The following ZNF536 variants were observed in gnomAD, a reference collection of about 807,000 sequenced individuals.
The protein encoded by ZNF536 is zinc finger protein 536.
A neutral mutation model predicts 84.5 loss-of-function variants in ZNF536; 13 were observed. The observed-to-expected ratio is 0.15, with a 90% CI of 0.10 to 0.24. The LOEUF (loss-of-function observed/expected upper bound fraction) is 0.24, where lower values mean the gene tolerates loss of function less well. ZNF536 is among the 10% of genes least tolerant of loss of function. The probability of loss-of-function intolerance (pLI) is 1.00; values close to 1 mark genes in which losing one functional copy is unlikely to be tolerated. For missense variants in ZNF536, 1,536 were observed against 1,747.5 expected (o/e 0.88, Z 2.16); for synonymous variants, 811 against 742.5 (o/e 1.09, Z -1.50).
At chr19:30,233,648 G>A (rs1227125596) in intron 1 of ZNF536, among the ~76,000 whole-genome samples, 1 of 152,068 alleles carries the variant, frequency 6.6e-6, no homozygotes, top group Non-Finnish European at 1.5e-5. Context: ...GCACCTGGCT[G>A]TCCATTTTTG....
intron 1 of ZNF536, among the ~76,000 whole-genome samples, chr19:30,439,070 C>G (rs1031131778): frequency 6.6e-6 from 1 of 152,098 alleles, no homozygotes; most frequent in Non-Finnish European, 1.5e-5. Flanking sequence ...TAAATGATGC[C>G]TTAGTTTCCC....
chr19:30,413,954 G>T (rs773293224), intron 1 of ZNF536, among the ~76,000 whole-genome samples: 1 of 151,886 alleles, frequency 6.6e-6, no homozygotes, highest in African/African-American at 2.4e-5. Context: ...TTAGCTAGGC[G>T]TGGCGGCGGG....
intron 2 of ZNF536, among the ~76,000 whole-genome samples, chr19:30,324,244 C>CCATCCATCCCATCCAT (rs2046950977): frequency 6.6e-6 from 1 of 152,288 alleles, no homozygotes; most frequent in South Asian, 2.1e-4. Context: ...ATCCACCCAT[C>CCATCCATCCCATCCAT]CATCCATCCC....
intron 1 of ZNF536, among the ~76,000 whole-genome samples, chr19:30,655,799 G>A (rs1213894317): frequency 6.6e-6 from 1 of 152,162 alleles, no homozygotes; most frequent in East Asian, 1.9e-4. Context: ...AGTGCTTTGG[G>A]AGGCTGAGGT....
At chr19:30,605,457 G>A (rs1178974807) in intron 1 of ZNF536, among the ~76,000 whole-genome samples, 4 of 152,254 alleles carry the variant, frequency 2.6e-5, no homozygotes, top group African/African-American at 7.2e-5. Context: ...CCATTCCTGA[G>A]TGACTTCACT....
intron 1 of ZNF536, among the ~76,000 whole-genome samples, chr19:30,271,299 C>T (rs67382153): frequency 0.28 from 31,473 of 111,236 alleles, 5,410 homozygotes; most frequent in East Asian, 0.56. Context: ...TTTTTCTTTT[C>T]TTTTTTTTTT....
At chr19:30,531,464 T>C (rs148691101) in intron 2 of ZNF536, among the ~76,000 whole-genome samples, 2 of 151,892 alleles carry the variant, frequency 1.3e-5, no homozygotes, top group Non-Finnish European at 2.9e-5. Context: ...TTTTTGAAGA[T>C]TCAGGGGGTA....
At chr19:30,673,398 A>T (rs1030032264) in intron 1 of ZNF536, among the ~76,000 whole-genome samples, 4 of 152,132 alleles carry the variant, frequency 2.6e-5, no homozygotes, top group African/African-American at 4.8e-5. Context: ...CCCTGGGGGA[A>T]ATCTTCATTG....
At chr19:30,365,489 G>A (rs1370008202) in intron 3 of ZNF536, among the ~76,000 whole-genome samples, 2 of 152,120 alleles carry the variant, frequency 1.3e-5, no homozygotes, top group African/African-American at 4.8e-5. Context: ...AGCTTTGGTG[G>A]GGGGAAGATG....
chr19:30,289,694 G>A (rs939914122), intron 2 of ZNF536, among the ~76,000 whole-genome samples: 6 of 152,086 alleles, frequency 3.9e-5, no homozygotes, highest in African/African-American at 9.7e-5. Flanking sequence ...TTCTTCAGTC[G>A]CCTCTGAGCC....
chr19:30,652,992 G>A (rs1408090332), intron 1 of ZNF536, among the ~76,000 whole-genome samples: 2 of 152,168 alleles, frequency 1.3e-5, no homozygotes, highest in African/African-American at 4.8e-5. Context: ...TCAGAATCCA[G>A]GATCCTCCCA....
chr19:30,280,499 T>C (rs1568300267), intron 1 of ZNF536, among the ~76,000 whole-genome samples: 1 of 152,240 alleles, frequency 6.6e-6, no homozygotes, highest in Admixed American at 6.5e-5. Context: ...GACTGTCCTC[T>C]GCATGTGCCC....
chr19:30,659,896 C>T (rs1341957072), intron 1 of ZNF536, among the ~76,000 whole-genome samples: 1 of 151,748 alleles, frequency 6.6e-6, no homozygotes, highest in Non-Finnish European at 1.5e-5. Context: ...CTTGGACTCA[C>T]CTTTCTGCAG....
rs997160807 is a variant in ZNF536 at position 30,658,415 on chromosome 19, G to A, written c.170-52342G>A. 2.6e-5 allele frequency among the ~76,000 whole-genome samples: 4 copies of A among 152,194 alleles called. No homozygotes were observed. The East Asian group carries it at 7.7e-4, about 29-fold the overall frequency. ...CCCAACCTTCAAGCTCATCTCTCAA[G>A]CTCTGCTCCAACCCACAGATCTTCT... is the stretch of plus-strand genomic sequence containing the variant. On this transcript the variant is annotated intron_variant, in intron 1 of 1. Transcript: ENST00000592773.
chr19:30,679,489 C>G (rs566451940), intron 1 of ZNF536, among the ~76,000 whole-genome samples: 198 of 152,334 alleles, frequency 1.3e-3, no homozygotes, highest in African/African-American at 4.5e-3. Flanking sequence ...GGGCTGCCTG[C>G]CAGGGCCTGA....
chr19:30,274,051 C>T (rs1221016554), intron 1 of ZNF536, among the ~76,000 whole-genome samples: 2 of 152,058 alleles, frequency 1.3e-5, no homozygotes, highest in Non-Finnish European at 2.9e-5. Flanking sequence ...ACTTGAATAA[C>T]CAATTTTAAA....
chr19:30,480,691 T>A (rs149899586), intron 2 of ZNF536, among the ~76,000 whole-genome samples: 1 of 152,166 alleles, frequency 6.6e-6, no homozygotes, highest in South Asian at 2.1e-4. Context: ...GTTCTGCACA[T>A]GTATCCCAGA....
downstream of ZNF536, among the ~76,000 whole-genome samples, chr19:30,559,769 G>A (rs937218343): frequency 6.6e-6 from 1 of 152,142 alleles, no homozygotes; most frequent in South Asian, 2.1e-4. Flanking sequence ...AGCCTGGAAG[G>A]CTCCCTGGAG....
At chr19:30,384,855 T>C (rs1024462820) in intron 1 of ZNF536, among the ~76,000 whole-genome samples, 15 of 152,104 alleles carry the variant, frequency 9.9e-5, no homozygotes, top group Middle Eastern at 3.4e-3. Flanking sequence ...AGCAAGACAC[T>C]ATCTCCACAA....
Sources: allele counts gnomAD v4.1 joint callset (sites outside exome capture counted in the v4.1 genomes callset), GRCh38; gene constraint gnomAD v4.1.1; transcripts MANE v1.5; gene names NCBI Gene and HGNC (gene_info 2026-07-23, HGNC 2026-07-21).